ZNF219: variants seen among roughly 807,000 people sequenced by gnomAD.
The protein encoded by ZNF219 is zinc finger protein 219.
In ZNF219, 17 loss-of-function variants were observed where a neutral mutation model predicts 54.4. That is an observed-to-expected ratio of 0.31 (90% confidence interval 0.21 to 0.47). ZNF219 has a LOEUF of 0.47. Among genes scored for constraint, ZNF219 ranks in the 20% least tolerant of loss-of-function variants. The probability of loss-of-function intolerance (pLI) is 1.00; values close to 1 mark genes in which losing one functional copy is unlikely to be tolerated. For missense variants in ZNF219, 1,014 were observed against 1,062.3 expected, an observed-to-expected ratio of 0.95 and a Z score of 0.63; for synonymous variants, 518 against 476.4, an observed-to-expected ratio of 1.09 and a Z score of -1.14.
Position 21,090,409 on chromosome 14 carries a change from T to A in ZNF219, c.*127A>T. Reference sequence around the variant, plus strand: ...TCCTACGCCCGCCGCGCCTTCCACCTCTGGTCCGCCTGGGGCTGGGATATG... The same window carrying A: ...TCCTACGCCCGCCGCGCCTTCCACCACTGGTCCGCCTGGGGCTGGGATATG... On this transcript the variant is annotated 3_prime_UTR_variant, in exon 5 of 5. Coordinates refer to ENST00000360947, the MANE Select transcript of ZNF219 (RefSeq NM_016423.3). This position sits in a 1 kb window ranked among gnomAD's most constrained non-coding sequence, Gnocchi z 4.4. 1 of 1,335,732 alleles carries A rather than the reference T, an allele frequency of 7.5e-7. No homozygotes were observed. Among genetic ancestry groups the A allele is most frequent in the African/African-American group, 1.5e-5 (1 of 67,976 alleles). The allele number at this position is 1,335,732 out of a possible 1,614,324, so 82.7% of individuals were successfully genotyped here. A position where few individuals can be genotyped will look rare whatever the true frequency, so the allele number is the denominator to read the frequency against.
upstream of ZNF219, chr14:21,102,312 A>C: frequency 6.8e-7 from 1 of 1,474,684 alleles, no homozygotes; most frequent in Non-Finnish European, 9.2e-7. Context: ...TGAGAAGCAG[A>C]AGCTGAGTTT....
chr14:21,101,835 C>A (rs1302240014), upstream of ZNF219: 2 of 1,513,300 alleles, frequency 1.3e-6, no homozygotes, highest in Non-Finnish European at 9.0e-7. Context: ...CCTGACAGTT[C>A]CTCCCCAATT....
upstream of ZNF219, chr14:21,102,131 A>C: frequency 6.5e-7 from 1 of 1,549,784 alleles, no homozygotes; most frequent in South Asian, 1.2e-5. Context: ...GTGAGAGGGA[A>C]GAAAACGCAG....
rs1225844366 is a variant in ZNF219 at position 21,094,736 on chromosome 14, G to C, written c.-83-1062C>G. Among the ~76,000 whole-genome samples the C allele has an allele frequency of 6.3e-5, 5 of 79,636 alleles. 2 individuals carry two copies. The highest frequency in any genetic ancestry group is 1.2e-3 in the South Asian group (2 of 1,730). 52.2% of individuals were successfully genotyped at this position (79,636 alleles called of 152,430 possible). A position where few individuals can be genotyped will look rare whatever the true frequency, so the allele number is the denominator to read the frequency against. Reference sequence around the variant, plus strand: ...GAAGAGGATAGGGGTTGGGGGGGGGGGCGGGTGCTGATCCTAAGCTGCAGA... The same window carrying C: ...GAAGAGGATAGGGGTTGGGGGGGGGCGCGGGTGCTGATCCTAAGCTGCAGA... On this transcript the variant is annotated intron_variant, in intron 1 of 4. Coordinates refer to ENST00000360947, the MANE Select transcript of ZNF219 (RefSeq NM_016423.3).
rs767044901 is a variant in ZNF219 at position 21,092,583 on chromosome 14, G to A, written c.714C>T (p.Pro238=). The A allele has an allele frequency of 3.2e-6, 5 of 1,544,250 alleles. No individual in the cohort carries two copies. Among genetic ancestry groups the A allele is most frequent in the East Asian group, 2.4e-5 (1 of 41,164 alleles). ...PQPQPQPPPQ[P]EPRSVPQPEP... is the part of the protein sequence containing the mutation. ...CCGGCTGGGGGACTGATCTGGGTTC[G>A]GGCTGGGGTGGAGGCTGAGGCTGAG... Residue 238 remains proline (P), a synonymous_variant, in exon 3 of 5, where the codon CCC becomes CCT. Coordinates refer to ENST00000360947, the MANE Select transcript of ZNF219 (RefSeq NM_016423.3).
chr14:21,100,931 A>T (rs1414591476), upstream of ZNF219: 1 of 161,824 alleles, frequency 6.2e-6, no homozygotes, highest in Non-Finnish European at 1.4e-5. Flanking sequence ...GATGGGCAGA[A>T]ATGAGGGTAA....
rs753753740 is a variant in ZNF219 at position 21,090,966 on chromosome 14, G to A, written c.1739C>T (p.Pro580Leu). 4 of 1,551,954 alleles carry A rather than the reference G, an allele frequency of 2.6e-6. No homozygotes were observed. In the South Asian group the frequency reaches 3.5e-5, roughly 14 times the overall value. The change falls in exon 5 of 5, where the codon CCG becomes CTG. Residue 580 changes from proline (P) to leucine (L), a missense_variant. Around this residue, in one of 5 missense-constraint regions of ZNF219, gnomAD observed 281 missense variants for 271.2 expected, o/e 1.04. Transcript: ENST00000360947. The surrounding 1 kb of genome is among the most constrained non-coding windows in gnomAD (Gnocchi z 4.4). The stretch of plus-strand genomic sequence containing the variant: ...CACCCAGGTCGCAGGCTGCGGAGAC[G>A]GCTTGGCTCCAGATTGCGGGGCCGA... The part of the protein sequence containing the change: ...RGSAPQSGAK[P>L]SPQPATWVEG...
intron 1 of ZNF219, among the ~76,000 whole-genome samples, chr14:21,096,699 A>T (rs2139322376): frequency 6.6e-6 from 1 of 152,370 alleles, no homozygotes; most frequent in Middle Eastern, 3.4e-3. Context: ...TTTCAAAAGC[A>T]GTAGGCCAAT....
At chr14:21,102,923 G>T, upstream of ZNF219, 1 of 1,378,440 alleles carries the variant, frequency 7.3e-7, no homozygotes, top group Middle Eastern at 2.5e-4. Flanking sequence ...GGCTTTCTCT[G>T]GCTTTGAACA....
chr14:21,101,962 G>A (rs993290147), upstream of ZNF219: 1 of 1,551,502 alleles, frequency 6.4e-7, no homozygotes, highest in East Asian at 2.4e-5. Context: ...CTGCCTCTTG[G>A]GCCTGGAGCC....
Position 21,092,297 on chromosome 14 carries a change from G to C in ZNF219, c.1000C>G (p.Pro334Ala), listed in dbSNP as rs1389839840. 1 of 1,527,648 alleles carries C rather than the reference G, an allele frequency of 6.5e-7. No individual in the cohort carries two copies. Among genetic ancestry groups the C allele is most frequent in the Non-Finnish European group, 8.8e-7 (1 of 1,140,244 alleles). The allele number at this position is 1,527,648 out of a possible 1,614,324, so 94.6% of individuals were successfully genotyped here. A position where few individuals can be genotyped will look rare whatever the true frequency, so the allele number is the denominator to read the frequency against. Reference protein sequence around the residue: ...HASKLGPLRAPGPASGPARAP... With the variant: ...HASKLGPLRAAGPASGPARAP... ...CGGGCAGGCCCGGAGGCAGGCCCCG[G>C]GGCACGCAGTGGGCCCAGCTTGCTG... The change falls in exon 3 of 5, where the codon CCG (proline) becomes GCG (alanine). Residue 334 changes from proline (P) to alanine (A), a missense_variant. Pro to Ala is a conservative substitution (Grantham distance 27). This residue lies in a region of ZNF219 where 272 missense variants were observed against 248.9 expected (regional missense o/e 1.09). Coordinates refer to ENST00000360947, the MANE Select transcript of ZNF219 (RefSeq NM_016423.3).
rs530133265 is a variant in ZNF219 at position 21,090,689 on chromosome 14, C to A, written c.2016G>T (p.Arg672=). The change falls in exon 5 of 5, where the codon CGG becomes CGT. Residue 672 remains arginine (R), a synonymous_variant. Transcript: ENST00000360947. The surrounding 1 kb of genome is among the most constrained non-coding windows in gnomAD (Gnocchi z 4.4). ...ALHLQVHHSR[R]ARGRRPPQAD... ...CCTGGGGTGGCCGGCGGCCCCTAGC[C>A]CGGCGGCTGTGGTGCACTTGAAGGT... is the stretch of plus-strand genomic sequence containing the variant. 6.2e-7 allele frequency: 1 copy of A among 1,611,438 alleles called. No homozygotes were observed. The highest frequency in any genetic ancestry group is 1.1e-5 in the South Asian group (1 of 90,862).
chr14:21,092,096 C>A lies in ZNF219; in HGVS notation c.1201G>T (p.Gly401Cys). The A allele has an allele frequency of 1.3e-6, 2 of 1,533,566 alleles. No homozygotes were observed. The highest frequency in any genetic ancestry group is 1.8e-6 in the Non-Finnish European group (2 of 1,140,876). The allele number at this position is 1,533,566 out of a possible 1,614,324, so 95.0% of individuals were successfully genotyped here. The change falls in exon 3 of 5, where the codon GGC (glycine) becomes TGC (cysteine). Residue 401 changes from glycine (G) to cysteine (C), a missense_variant. Transcript: ENST00000360947. ...PNGEGAEPGP[G>C]RSFGGFRPLS... Reference sequence around the variant, plus strand: ...GGGCGGAAGCCTCCGAAGCTGCGGCCGGGACCGGGCTCAGCACCCTCGCCG... The same window carrying A: ...GGGCGGAAGCCTCCGAAGCTGCGGCAGGGACCGGGCTCAGCACCCTCGCCG...
In ZNF219 at chr14:21,090,390, G is replaced by T. The variant is rs937698525; in HGVS notation, c.*146C>A. ...GGGTACCGCCAGCCCACCCTCCTACGCCCGCCGCGCCTTCCACCTCTGGTC... is the reference window on the plus strand; with the variant it reads ...GGGTACCGCCAGCCCACCCTCCTACTCCCGCCGCGCCTTCCACCTCTGGTC... On this transcript the variant is annotated 3_prime_UTR_variant, in exon 5 of 5. Transcript: ENST00000360947. This position sits in a 1 kb window ranked among gnomAD's most constrained non-coding sequence, Gnocchi z 4.4. 5 of 1,135,294 alleles carry T rather than the reference G, an allele frequency of 4.4e-6. No individual in the cohort carries two copies. In the African/African-American group the frequency reaches 7.8e-5, roughly 18 times the overall value. 70.3% of individuals were successfully genotyped at this position (1,135,294 alleles called of 1,614,324 possible).
At position 21,091,154 on chromosome 14, in the gene ZNF219, G is replaced by T. The variant is rs376604157; in HGVS notation, c.1565-14C>A. 1.1e-5 allele frequency: 18 copies of T among 1,593,570 alleles called. No individual in the cohort carries two copies. In the African/African-American group the frequency reaches 2.1e-4, roughly 19 times the overall value. On this transcript the variant is annotated splice_polypyrimidine_tract_variant and intron_variant, in intron 4 of 4. Transcript: ENST00000360947. ...AGGGCCGCTCGCCTGGGGAGAGTGG[G>T]TGCGATAGGGTCACGGGGTCACGAT...
chr14:21,093,409 G>A (rs1187531157), intron 2 of ZNF219, 119 bp from the exon 3 acceptor site: 26 of 1,468,214 alleles, frequency 1.8e-5, no homozygotes, highest in Non-Finnish European at 2.3e-5. Flanking sequence ...CCTGAACTAG[G>A]AACACAGGGT....
chr14:21,093,374 C>A, intron 2 of ZNF219, 84 bp from the exon 3 acceptor site: 1 of 1,501,414 alleles, frequency 6.7e-7, no homozygotes, highest in Non-Finnish European at 8.9e-7. Flanking sequence ...GCCAGAAGGA[C>A]AACACGAGGG....
chr14:21,095,768 T>C (rs1247868464), intron 1 of ZNF219, among the ~76,000 whole-genome samples: 2 of 151,828 alleles, frequency 1.3e-5, no homozygotes, highest in Non-Finnish European at 2.9e-5. Flanking sequence ...CTGAAAACCA[T>C]AGAAAAAAAC....
Position 21,090,734 on chromosome 14 carries a change from G to T in ZNF219, c.1971C>A (p.Ala657=). 1 of 1,609,560 alleles carries T rather than the reference G, an allele frequency of 6.2e-7. No individual in the cohort carries two copies. Among genetic ancestry groups the T allele is most frequent in the Non-Finnish European group, 8.5e-7 (1 of 1,178,788 alleles). Residue 657 remains alanine (A), a synonymous_variant, in exon 5 of 5, where the codon GCC becomes GCA. Coordinates refer to ENST00000360947, the MANE Select transcript of ZNF219 (RefSeq NM_016423.3). This position sits in a 1 kb window ranked among gnomAD's most constrained non-coding sequence, Gnocchi z 4.4. The stretch of plus-strand genomic sequence containing the variant: ...GAAGGTGCAAGGCCATGAGCTCTGG[G>T]GCTCCAGTGGCGAACGGGCAGAAGA... The part of the protein sequence containing the change: ...RCLFCPFATG[A]PELMALHLQV...
Sources: gnomAD v4.1 joint callset for allele counts (sites outside exome capture counted in the v4.1 genomes callset) on GRCh38, gnomAD v4.1.1 for gene constraint, gnomAD v4.1.1 regional missense constraint, Gnocchi (gnomAD v3.1) non-coding constraint, MANE v1.5 for transcripts, NCBI Gene and HGNC (gene_info 2026-07-23, HGNC 2026-07-21) for gene names.